NRG1: variants seen among roughly 807,000 people sequenced by gnomAD.
The protein encoded by NRG1 is neuregulin 1, also known as pro-neuregulin-1, membrane-bound isoform.
A neutral mutation model predicts 63.8 loss-of-function variants in NRG1; 18 were observed. That is an observed-to-expected ratio of 0.28 (90% confidence interval 0.19 to 0.42). The LOEUF (loss-of-function observed/expected upper bound fraction) is 0.42, where lower values mean the gene tolerates loss of function less well. Among genes scored for constraint, NRG1 ranks in the 10% least tolerant of loss-of-function variants. The pLI is 1.00. For missense variants in NRG1, 762 were observed against 814.7 expected (o/e 0.94, Z 0.79); for synonymous variants, 302 against 301.3 (o/e 1.00, Z -0.02).
Position 32,677,818 on chromosome 8 carries a change from A to C in NRG1, c.503-50131A>C, listed in dbSNP as rs907435219. Reference sequence around the variant, plus strand: ...CAAAATTTATCAGCCTTTCCTTCCAATTTGCCATACCCCCACAAATCGCAC... The same window carrying C: ...CAAAATTTATCAGCCTTTCCTTCCACTTTGCCATACCCCCACAAATCGCAC... On this transcript the variant is annotated intron_variant, in intron 5 of 11. Coordinates refer to ENST00000356819, the Ensembl canonical transcript of NRG1. 4.6e-5 allele frequency among the ~76,000 whole-genome samples: 7 copies of C among 152,228 alleles called. No individual in the cohort carries two copies. In the South Asian group the frequency reaches 8.3e-4, roughly 18 times the overall value.
rs1835476086 is a variant in NRG1 at position 32,557,836 on chromosome 8, T to C, written c.100+9010T>C. ...TTGAATGGAAAATGAAATACATGAT[T>C]TTCCATATATTAAATTGAATAGAAA... On this transcript the variant is annotated intron_variant, in intron 1 of 11. Coordinates refer to ENST00000356819, the Ensembl canonical transcript of NRG1. Among the ~76,000 whole-genome samples, 3 of 152,326 alleles carry C rather than the reference T, an allele frequency of 2.0e-5. No individual in the cohort carries two copies. The South Asian group carries it at 6.2e-4, about 32-fold the overall frequency.
At chr8:32,278,097 T>G (rs1852301734) in intron 1 of NRG1, among the ~76,000 whole-genome samples, 1 of 152,224 alleles carries the variant, frequency 6.6e-6, no homozygotes, top group African/African-American at 2.4e-5. Context: ...TTCTTGCACA[T>G]TTAATCTCAT....
intron 1 of NRG1, among the ~76,000 whole-genome samples, chr8:32,436,846 C>G (rs2129487155): frequency 6.6e-6 from 1 of 152,140 alleles, no homozygotes; most frequent in African/African-American, 2.4e-5. Context: ...ATAAAGATGT[C>G]AGTGTCACAG....
intron 1 of NRG1, among the ~76,000 whole-genome samples, chr8:32,514,001 C>T (rs1829524556): frequency 1.3e-5 from 2 of 152,104 alleles, no homozygotes; most frequent in Admixed American, 1.3e-4. Flanking sequence ...TACTGATTAG[C>T]AATACTAACT....
At chr8:31,736,876 CCT>C (rs1814728399) in intron 1 of NRG1, among the ~76,000 whole-genome samples, 2 of 152,200 alleles carry the variant, frequency 1.3e-5, no homozygotes, top group South Asian at 4.2e-4. Flanking sequence ...CACAATTCAC[CCT>C]CTCCCACAAT....
intron 1 of NRG1, among the ~76,000 whole-genome samples, chr8:32,365,433 G>A (rs1006934676): frequency 3.3e-5 from 5 of 150,906 alleles, no homozygotes; most frequent in Non-Finnish European, 7.4e-5. Context: ...TTTCACATAT[G>A]GCCTCTCTCA....
chr8:32,538,122 G>A (rs957069736), intron 1 of NRG1, among the ~76,000 whole-genome samples: 2 of 152,138 alleles, frequency 1.3e-5, no homozygotes, highest in African/African-American at 4.8e-5. Flanking sequence ...AAAATGCTGG[G>A]ATTACAGGTG....
chr8:31,704,083 G>A (rs1810888913), intron 1 of NRG1, among the ~76,000 whole-genome samples: 1 of 152,072 alleles, frequency 6.6e-6, no homozygotes, highest in Admixed American at 6.6e-5. Flanking sequence ...TCCTTTCTCT[G>A]ACACATATCA....
At position 31,655,940 on chromosome 8, in the gene NRG1, G is replaced by C. The variant is rs76359713; in HGVS notation, c.37+16509G>C. On this transcript the variant is annotated intron_variant, in intron 1 of 10. Transcript: ENST00000519301. ...TTGTATGCACAGTAGGTGATGCGAT[G>C]GCAAATACTGCAGGAGAAGAAGCCC... 2.2e-3 allele frequency among the ~76,000 whole-genome samples: 332 copies of C among 152,336 alleles called. 1 individual carries two copies. Among genetic ancestry groups the C allele is most frequent in the African/African-American group, 7.7e-3 (322 of 41,576 alleles).
intron 1 of NRG1, among the ~76,000 whole-genome samples, chr8:32,051,012 C>T (rs538434704): frequency 3.9e-5 from 6 of 152,050 alleles, no homozygotes; most frequent in Middle Eastern, 3.4e-3. Context: ...TCGATTTCTG[C>T]GTAGGTAGAG....
chr8:32,050,900 A>G (rs1821873201), intron 1 of NRG1, among the ~76,000 whole-genome samples: 1 of 152,206 alleles, frequency 6.6e-6, no homozygotes, highest in African/African-American at 2.4e-5. Context: ...ATGACTATGA[A>G]TAAGTGTAAT....
At chr8:32,310,508 A>G (rs1856695221) in intron 1 of NRG1, among the ~76,000 whole-genome samples, 1 of 152,208 alleles carries the variant, frequency 6.6e-6, no homozygotes, top group Non-Finnish European at 1.5e-5. Flanking sequence ...CAGTGTCTTT[A>G]GTAGAGGCCA....
intron 1 of NRG1, among the ~76,000 whole-genome samples, chr8:32,041,494 A>C (rs938619325): frequency 2.0e-5 from 3 of 152,232 alleles, no homozygotes; most frequent in African/African-American, 7.2e-5. Context: ...ACCAGGCGTG[A>C]GTTTACCATG....
chr8:32,482,125 A>G (rs1409155398), intron 1 of NRG1, among the ~76,000 whole-genome samples: 1 of 152,228 alleles, frequency 6.6e-6, no homozygotes, highest in Non-Finnish European at 1.5e-5. Flanking sequence ...AGCACCTGCA[A>G]TCAAATAAAA....
At chr8:32,232,608 A>G (rs1266620039) in intron 1 of NRG1, among the ~76,000 whole-genome samples, 1 of 152,160 alleles carries the variant, frequency 6.6e-6, no homozygotes, top group Non-Finnish European at 1.5e-5. Context: ...AACTCATATC[A>G]GGTGAATTAG....
chr8:32,640,882 G>A (rs1252581131), intron 5 of NRG1, among the ~76,000 whole-genome samples: 3 of 152,034 alleles, frequency 2.0e-5, no homozygotes, highest in Non-Finnish European at 2.9e-5. Context: ...GATTGTTGAG[G>A]CCAGGAGTTT....
intron 1 of NRG1, among the ~76,000 whole-genome samples, chr8:32,088,282 T>G (rs1828583961): frequency 6.6e-6 from 1 of 152,120 alleles, no homozygotes; most frequent in Non-Finnish European, 1.5e-5. Flanking sequence ...GTTTAATAAT[T>G]TAACGAAAAT....
chr8:31,951,098 C>T (rs1351060348), intron 1 of NRG1, among the ~76,000 whole-genome samples: 1 of 152,170 alleles, frequency 6.6e-6, no homozygotes. Flanking sequence ...ATTGTAGTTC[C>T]TGTTTTTCTG....
intron 1 of NRG1, among the ~76,000 whole-genome samples, chr8:32,319,239 T>C (rs1015991228): frequency 6.6e-6 from 1 of 152,182 alleles, no homozygotes; most frequent in Non-Finnish European, 1.5e-5. Context: ...TGCAGGGGTG[T>C]TGATGGAAAC....
Sources: gnomAD v4.1 joint callset for allele counts (sites outside exome capture counted in the v4.1 genomes callset) on GRCh38, gnomAD v4.1.1 for gene constraint, MANE v1.5 for transcripts, NCBI Gene and HGNC (gene_info 2026-07-23, HGNC 2026-07-21) for gene names.